The following NNMT variants were observed in gnomAD, a reference collection of about 807,000 sequenced individuals.
The protein encoded by NNMT is nicotinamide N-methyltransferase.
Under a neutral mutation model 11.7 loss-of-function variants are expected in NNMT, and 10 were observed. The ratio of observed to expected loss-of-function variants is 0.85; its 90% CI spans 0.53 to 1.45. NNMT has a LOEUF of 1.45. NNMT is among the 40% of genes most tolerant of loss of function. The pLI is 0.00. For synonymous variants in NNMT, 143 were observed against 133.8 expected (o/e 1.07, Z -0.48); for missense variants, 381 against 319.4 (o/e 1.19, Z -1.47).
chr11:114,272,539 G>A (rs1945177810), intron 2 of NNMT, among the ~76,000 whole-genome samples: 1 of 152,174 alleles, frequency 6.6e-6, no homozygotes, highest in East Asian at 1.9e-4. Flanking sequence ...GTCCATGGTG[G>A]GAGACCCTCA....
chr11:114,283,382 G>A (rs1213906302), intron 2 of NNMT, among the ~76,000 whole-genome samples: 2 of 152,208 alleles, frequency 1.3e-5, no homozygotes, highest in African/African-American at 4.8e-5. Flanking sequence ...TTAATGCATA[G>A]TGAAAATGAT....
chr11:114,295,536 T>C (rs1283632736), upstream of NNMT, among the ~76,000 whole-genome samples: 3 of 145,722 alleles, frequency 2.1e-5, no homozygotes, highest in Non-Finnish European at 4.5e-5. Flanking sequence ...GCCATTCTCC[T>C]GCCTCAGCCT....
intron 2 of NNMT, among the ~76,000 whole-genome samples, chr11:114,309,353 A>T (rs1308231528): frequency 6.6e-6 from 1 of 152,160 alleles, no homozygotes; most frequent in Non-Finnish European, 1.5e-5. Context: ...CCTTAGAATG[A>T]CTGTCTGCTT....
At chr11:114,294,784 A>T (rs1316615937), upstream of NNMT, among the ~76,000 whole-genome samples, 1 of 152,024 alleles carries the variant, frequency 6.6e-6, no homozygotes, top group African/African-American at 2.4e-5. Context: ...AAAAAAAGAG[A>T]GGGAGAAAAG....
intron 2 of NNMT, among the ~76,000 whole-genome samples, chr11:114,282,305 A>T (rs1945268385): frequency 6.6e-6 from 1 of 152,240 alleles, no homozygotes; most frequent in Non-Finnish European, 1.5e-5. Context: ...TGATAATTAG[A>T]TTCCTGCCAA....
intron 2 of NNMT, among the ~76,000 whole-genome samples, chr11:114,309,718 C>A (rs1265605175): frequency 6.6e-6 from 1 of 152,176 alleles, no homozygotes; most frequent in Non-Finnish European, 1.5e-5. Context: ...TCATCACAAT[C>A]AATTTTACAA....
chr11:114,294,477 C>CAAAAAAAAAA, upstream of NNMT, among the ~76,000 whole-genome samples: 1 of 123,446 alleles, frequency 8.1e-6, no homozygotes, highest in Non-Finnish European at 1.6e-5. Flanking sequence ...GACTCCACAT[C>CAAAAAAAAAA]AAAAAAAAAA....
chr11:114,300,283 T>A (rs1945425994), intron 2 of NNMT, among the ~76,000 whole-genome samples: 1 of 152,174 alleles, frequency 6.6e-6, no homozygotes, highest in Admixed American at 6.6e-5. Flanking sequence ...TTCAGCATAT[T>A]GTCTCATTTC....
At chr11:114,294,653 C>T (rs1945359435), upstream of NNMT, among the ~76,000 whole-genome samples, 1 of 151,946 alleles carries the variant, frequency 6.6e-6, no homozygotes, top group South Asian at 2.1e-4. Context: ...ACCCCATTTA[C>T]CCTGATGTGA....
intron 2 of NNMT, among the ~76,000 whole-genome samples, chr11:114,301,837 A>G (rs1945441785): frequency 6.6e-6 from 1 of 151,914 alleles, no homozygotes; most frequent in Admixed American, 6.6e-5. Context: ...TGCTGTAAAA[A>G]ACAAAATCAA....
intron 2 of NNMT, among the ~76,000 whole-genome samples, chr11:114,267,759 T>G (rs1945133222): frequency 6.6e-6 from 1 of 152,198 alleles, no homozygotes; most frequent in African/African-American, 2.4e-5. Context: ...ATCGTGTTGT[T>G]TCACCACGAC....
At chr11:114,276,068 C>G (rs1384831287) in intron 2 of NNMT, among the ~76,000 whole-genome samples, 1 of 152,148 alleles carries the variant, frequency 6.6e-6, no homozygotes, top group African/African-American at 2.4e-5. Context: ...AGTCCTGCCC[C>G]TGGCCGACTG....
In NNMT at chr11:114,265,888, G is replaced by C. The variant is rs1037302280; in HGVS notation, c.-130+2954G>C. Among the ~76,000 whole-genome samples the C allele has an allele frequency of 2.0e-5, 3 of 151,910 alleles. No homozygotes were observed. The South Asian group carries it at 6.3e-4, about 32-fold the overall frequency. ...GCCAAGTCTCCTTGTCAACTTCCTGGTGGTTACCTTGGGGTCATCTGCGAG... is the reference window on the plus strand; with the variant it reads ...GCCAAGTCTCCTTGTCAACTTCCTGCTGGTTACCTTGGGGTCATCTGCGAG... On this transcript the variant is annotated intron_variant, in intron 2 of 4. Transcript: ENST00000535401.
chr11:114,277,587 A>T lies in NNMT; in HGVS notation c.-130+14653A>T, dbSNP rs143675841. ...GAAGGAATGGGGTTGAGGGGTGAAG[A>T]GCAGGAATTCCCACATGCTGAGACC... On this transcript the variant is annotated intron_variant, in intron 2 of 4. Coordinates refer to the NNMT transcript ENST00000535401. 8.5e-3 allele frequency among the ~76,000 whole-genome samples: 1,288 copies of T among 152,300 alleles called. 20 individuals are homozygous for T. The highest frequency in any genetic ancestry group is 0.028 in the African/African-American group (1,183 of 41,552).
At chr11:114,297,447 G>C (rs1402976472) in intron 1 of NNMT, 1 of 148,780 alleles carries the variant, frequency 6.7e-6, no homozygotes, top group East Asian at 2.0e-4. Context: ...TTGTCACTAT[G>C]ATGTAAATTA....
chr11:114,290,521 AG>A (rs1277153612), intron 2 of NNMT, among the ~76,000 whole-genome samples: 2 of 152,228 alleles, frequency 1.3e-5, no homozygotes, highest in African/African-American at 2.4e-5. Context: ...AGACAGGGAA[AG>A]CAAGCAATCT....
At chr11:114,302,580 T>G (rs534808233) in intron 2 of NNMT, among the ~76,000 whole-genome samples, 2 of 152,332 alleles carry the variant, frequency 1.3e-5, no homozygotes, top group East Asian at 3.9e-4. Flanking sequence ...TGTCTTATTT[T>G]TAATTTTGAT....
intron 2 of NNMT, among the ~76,000 whole-genome samples, chr11:114,304,267 G>A (rs889058802): frequency 6.6e-6 from 1 of 152,124 alleles, no homozygotes; most frequent in Non-Finnish European, 1.5e-5. Context: ...TTGAAACTTT[G>A]TTCTCACTTT....
intron 2 of NNMT, among the ~76,000 whole-genome samples, chr11:114,278,137 C>T (rs949197686): frequency 7.2e-5 from 11 of 152,110 alleles, no homozygotes; most frequent in African/African-American, 2.2e-4. Flanking sequence ...ACAAGCATGG[C>T]GTTAACATCT....
Sources: gnomAD v4.1 joint callset for allele counts (sites outside exome capture counted in the v4.1 genomes callset) on GRCh38, gnomAD v4.1.1 for gene constraint, MANE v1.5 for transcripts, NCBI Gene and HGNC (gene_info 2026-07-23, HGNC 2026-07-21) for gene names.